The following CECR2 variants were observed in gnomAD, a reference collection of about 807,000 sequenced individuals.
The protein encoded by CECR2 is chromatin remodeling regulator CECR2.
CECR2 carries 30 observed loss-of-function variants against 154.5 expected under a neutral mutation model. The observed-to-expected ratio is 0.19, with a 90% CI of 0.15 to 0.26. The LOEUF is 0.26. Among genes scored for constraint, CECR2 ranks in the 10% least tolerant of loss-of-function variants. The probability of loss-of-function intolerance (pLI) is 1.00; values close to 1 mark genes in which losing one functional copy is unlikely to be tolerated. For missense variants in CECR2, 1,743 were observed against 1,829.3 expected (o/e 0.95, Z 0.86); for synonymous variants, 725 against 683.7 (o/e 1.06, Z -0.94).
At chr22:17,529,548 A>G (rs1023028067) in intron 9 of CECR2, among the ~76,000 whole-genome samples, 13 of 151,916 alleles carry the variant, frequency 8.6e-5, no homozygotes, top group Admixed American at 7.2e-4. Flanking sequence ...AAAATACAAA[A>G]AATTAGCCAG....
intron 1 of CECR2, among the ~76,000 whole-genome samples, chr22:17,470,947 G>T (rs2055116998): frequency 6.6e-6 from 1 of 152,172 alleles, no homozygotes; most frequent in African/African-American, 2.4e-5. Flanking sequence ...TAATTCAGCA[G>T]TGATCTCCTA....
intron 1 of CECR2, among the ~76,000 whole-genome samples, chr22:17,452,269 C>T (rs2054783210): frequency 1.3e-5 from 2 of 152,232 alleles, no homozygotes; most frequent in South Asian, 4.1e-4. Context: ...GACAGGGTTT[C>T]ACCATGTTCT....
intron 9 of CECR2, among the ~76,000 whole-genome samples, chr22:17,527,769 C>CAAAAAAAAAA (rs3079565): frequency 1.1e-5 from 1 of 89,912 alleles, no homozygotes; most frequent in Non-Finnish European, 2.4e-5. Context: ...GATTCTGTCT[C>CAAAAAAAAAA]AAAAAAAAAA....
chr22:17,370,321 G>C (rs1395589532), intron 1 of CECR2, among the ~76,000 whole-genome samples: 5 of 145,756 alleles, frequency 3.4e-5, no homozygotes, highest in East Asian at 3.1e-4. Flanking sequence ...GCCGGGCGCG[G>C]GGGGGGGGCC....
At chr22:17,537,335 A>T in intron 10 of CECR2, 103 bp downstream of exon 10, 1 of 1,373,378 alleles carries the variant, frequency 7.3e-7, no homozygotes, top group Non-Finnish European at 1.0e-6. Flanking sequence ...CTGTTGGGTA[A>T]CATGGTCACC....
At chr22:17,409,224 G>A (rs963227943) in intron 1 of CECR2, among the ~76,000 whole-genome samples, 1 of 112,270 alleles carries the variant, frequency 8.9e-6, no homozygotes, top group Non-Finnish European at 2.0e-5. Context: ...CCTCCACCTC[G>A]CGGGTTCAAG....
At chr22:17,466,264 G>C (rs922239116) in intron 1 of CECR2, among the ~76,000 whole-genome samples, 3 of 152,132 alleles carry the variant, frequency 2.0e-5, no homozygotes, top group African/African-American at 7.2e-5. Flanking sequence ...AGTGACCTCT[G>C]TAAAAATCCA....
rs751381916 is a variant in CECR2, at chr22:17,548,304, A to C, written c.3017A>C (p.Lys1006Thr). The change falls in exon 17 of 19, where the codon AAA (lysine) becomes ACA (threonine). Residue 1006 changes from lysine to threonine, a missense_variant. Physicochemically the swap from Lys to Thr is moderately conservative, Grantham distance 78 (BLOSUM62 -1). Coordinates refer to ENST00000262608, the MANE Select transcript of CECR2 (RefSeq NM_001290047.2). ...QERETVGPEL[K>T]SSSSESADNC... ...AGGGAAACAGTGGGCCCGGAGCTCAAAAGCAGCTCCTCCGAATCTGCGGAC... is the reference window on the plus strand; with the variant it reads ...AGGGAAACAGTGGGCCCGGAGCTCACAAGCAGCTCCTCCGAATCTGCGGAC... The C allele has an allele frequency of 3.1e-6, 5 of 1,610,312 alleles. No individual in the cohort carries two copies. The South Asian group carries it at 5.5e-5, about 18-fold the overall frequency.
rs746099602 is a variant in CECR2 at position 17,499,528 on chromosome 22, A to G, written c.524A>G (p.Asn175Ser). Residue 175 changes from asparagine (N) to serine (S), a missense_variant, in exon 4 of 19, where the codon AAT (asparagine) becomes AGT (serine). Coordinates refer to ENST00000262608, the MANE Select transcript of CECR2 (RefSeq NM_001290047.2). Reference sequence around the variant, plus strand: ...GAGGACCCGGTGCAAGGAAAATCCAATGGAGAACTCTCTTTGAGCAGGTAT... The same window carrying G: ...GAGGACCCGGTGCAAGGAAAATCCAGTGGAGAACTCTCTTTGAGCAGGTAT... ...YKEDPVQGKS[N>S]GELSLSRESE... is the part of the protein sequence containing the mutation. 1.1e-5 allele frequency: 17 copies of G among 1,611,852 alleles called. No homozygotes were observed. Among genetic ancestry groups the G allele is most frequent in the South Asian group, 9.9e-5 (9 of 90,684 alleles).
chr22:17,499,994 G>A (rs983514924), intron 4 of CECR2, among the ~76,000 whole-genome samples: 4 of 152,114 alleles, frequency 2.6e-5, no homozygotes, highest in East Asian at 3.9e-4. Flanking sequence ...GGCGGATCAC[G>A]AGGTCAGGAG....
intron 1 of CECR2, among the ~76,000 whole-genome samples, chr22:17,361,778 G>A (rs77843027): frequency 0.043 from 6,463 of 151,796 alleles, 442 homozygotes; most frequent in African/African-American, 0.15. Context: ...GAGAGTGACT[G>A]GTGTTTTCTG....
At chr22:17,427,679 G>GGGGA (rs1322918560) in intron 1 of CECR2, among the ~76,000 whole-genome samples, 3 of 152,154 alleles carry the variant, frequency 2.0e-5, no homozygotes, top group Non-Finnish European at 4.4e-5. Context: ...CAGTGTGGAA[G>GGGGA]GGGACCAGGG....
chr22:17,475,498 G>C (rs1415509933), intron 1 of CECR2, among the ~76,000 whole-genome samples: 1 of 151,932 alleles, frequency 6.6e-6, no homozygotes, highest in African/African-American at 2.4e-5. Flanking sequence ...CTTGCTGTGT[G>C]GCCCAGGCTG....
chr22:17,540,214 A>G (rs140541089), intron 13 of CECR2, among the ~76,000 whole-genome samples, 198 bp from the exon 14 acceptor site: 4 of 151,764 alleles, frequency 2.6e-5, no homozygotes, highest in East Asian at 2.0e-4. Context: ...CGTCTTCTTC[A>G]TCTTGCATCC....
At chr22:17,526,878 T>C (rs974172274) in intron 9 of CECR2, among the ~76,000 whole-genome samples, 2 of 150,056 alleles carry the variant, frequency 1.3e-5, no homozygotes, top group African/African-American at 4.9e-5. Context: ...AGAAAAAACG[T>C]TGGAGAAACC....
intron 8 of CECR2, among the ~76,000 whole-genome samples, chr22:17,523,257 C>T (rs1052475555): frequency 4.0e-5 from 6 of 151,592 alleles, no homozygotes; most frequent in African/African-American, 1.5e-4. Flanking sequence ...GTCGCAGGTA[C>T]CCTGTAACTC....
upstream of CECR2, among the ~76,000 whole-genome samples, chr22:17,365,043 G>A (rs2062994688): frequency 6.6e-6 from 1 of 152,020 alleles, no homozygotes; most frequent in African/African-American, 2.4e-5. Flanking sequence ...TGACCAACAT[G>A]AAGAAACCCT....
chr22:17,527,220 G>A (rs2056280213), intron 9 of CECR2, among the ~76,000 whole-genome samples: 1 of 152,230 alleles, frequency 6.6e-6, no homozygotes. Flanking sequence ...CACTTTGGGA[G>A]GCCAAGGCTG....
At position 17,542,269 on chromosome 22, in the gene CECR2, T is replaced by C. The variant is rs201344281; in HGVS notation, c.2126T>C (p.Leu709Ser). 4.3e-5 allele frequency: 70 copies of C among 1,610,882 alleles called. No homozygotes were observed. The highest frequency in any genetic ancestry group is 1.6e-4 in the Middle Eastern group (1 of 6,080). ...LSNMGPHPGS[L>S]QLGQISGPSQ... ...AACATGGGCCCACACCCTGGATCCT[T>C]GCAGCTTGGGCAGATAAGTGGCCCA... The change falls in exon 16 of 19, where the codon TTG becomes TCG. Residue 709 changes from leucine to serine, a missense_variant. By Grantham distance (145) the Leu-to-Ser change is moderately radical (BLOSUM62 -2). Coordinates refer to ENST00000262608, the MANE Select transcript of CECR2 (RefSeq NM_001290047.2).
Sources: gnomAD v4.1 joint callset for allele counts (sites outside exome capture counted in the v4.1 genomes callset) on GRCh38, gnomAD v4.1.1 for gene constraint, MANE v1.5 for transcripts, NCBI Gene and HGNC (gene_info 2026-07-23, HGNC 2026-07-21) for gene names.